LRP1B: variants seen among roughly 807,000 people sequenced by gnomAD.
LRP1B encodes low-density lipoprotein receptor-related protein 1B.
A neutral mutation model predicts 556.6 loss-of-function variants in LRP1B; 217 were observed. That is an observed-to-expected ratio of 0.39 (90% CI 0.35 to 0.44). LRP1B has a LOEUF of 0.44. Ranked by LOEUF, LRP1B falls within the 20% of genes least tolerant of loss-of-function variation. The pLI is 1.00. For missense variants in LRP1B, 5,053 were observed against 5,620.8 expected (o/e 0.90, Z 3.23); for synonymous variants, 2,047 against 1,865.8 (o/e 1.10, Z -2.50).
rs527490390 is a variant in LRP1B at position 141,588,512 on chromosome 2, G to A, written c.206-107979C>T. ...ATGTGTACCATAATGTTAACAACTAGCAAACATTTACAGGGATTGTTTTAG... is the reference window on the plus strand; with the variant it reads ...ATGTGTACCATAATGTTAACAACTAACAAACATTTACAGGGATTGTTTTAG... On this transcript the variant is annotated intron_variant, in intron 2 of 90. Coordinates refer to ENST00000389484, the MANE Select transcript of LRP1B (RefSeq NM_018557.3). Among the ~76,000 whole-genome samples the A allele has an allele frequency of 4.6e-5, 7 of 152,218 alleles. No individual in the cohort carries two copies. In the South Asian group the frequency reaches 1.5e-3, roughly 32 times the overall value.
chr2:140,710,146 A>G (rs1261269512), intron 37 of LRP1B, among the ~76,000 whole-genome samples: 1 of 152,114 alleles, frequency 6.6e-6, no homozygotes, highest in Non-Finnish European at 1.5e-5. Context: ...TGAGAGCTCA[A>G]AATTAAGAAA....
At chr2:141,237,632 C>G (rs916018881) in intron 5 of LRP1B, among the ~76,000 whole-genome samples, 1 of 152,112 alleles carries the variant, frequency 6.6e-6, no homozygotes, top group African/African-American at 2.4e-5. Context: ...TAGTGAAATA[C>G]CGGTACCTTC....
Position 140,534,018 on chromosome 2 carries a change from T to C in LRP1B, c.7762+3A>G, listed in dbSNP as rs2104994247. Reference sequence around the variant, plus strand: ...TTCTGAGATTGATGGAACAAGTATTTACCTTTACAATCTAATTCATCAGAG... The same window carrying C: ...TTCTGAGATTGATGGAACAAGTATTCACCTTTACAATCTAATTCATCAGAG... On this transcript the variant is annotated splice_donor_region_variant and intron_variant, in intron 47 of 90. Coordinates refer to ENST00000389484, the MANE Select transcript of LRP1B (RefSeq NM_018557.3). 1 of 1,613,190 alleles carries C rather than the reference T, an allele frequency of 6.2e-7. No individual in the cohort carries two copies. Among genetic ancestry groups the C allele is most frequent in the Middle Eastern group, 1.7e-4 (1 of 6,046 alleles).
chr2:141,433,816 G>A (rs186229959), intron 3 of LRP1B, among the ~76,000 whole-genome samples: 19 of 151,500 alleles, frequency 1.3e-4, no homozygotes, highest in Non-Finnish European at 2.7e-4. Flanking sequence ...TAAAATTAGG[G>A]AAGCTTTCAG....
chr2:141,771,553 C>G (rs569242526), intron 2 of LRP1B, among the ~76,000 whole-genome samples: 2 of 152,186 alleles, frequency 1.3e-5, no homozygotes, highest in Admixed American at 1.3e-4. Flanking sequence ...GAAATATAAA[C>G]ATTGTTTACT....
chr2:141,289,953 A>G (rs973794081), intron 3 of LRP1B, among the ~76,000 whole-genome samples: 3 of 152,330 alleles, frequency 2.0e-5, no homozygotes, highest in Admixed American at 1.3e-4. Context: ...CTGTGAATCT[A>G]TAAAGTGACT....
At chr2:141,268,550 T>C (rs1684973699) in intron 3 of LRP1B, among the ~76,000 whole-genome samples, 1 of 152,066 alleles carries the variant, frequency 6.6e-6, no homozygotes, top group Non-Finnish European at 1.5e-5. Flanking sequence ...TGGAGGCTCT[T>C]GGAGAAAGGC....
chr2:141,186,103 G>T lies in LRP1B; in HGVS notation c.1013+2318C>A, dbSNP rs572227213. Among the ~76,000 whole-genome samples the T allele has an allele frequency of 1.4e-4, 15 of 103,580 alleles. No homozygotes were observed. In the South Asian group the frequency reaches 4.4e-3, roughly 31 times the overall value. The allele number at this position is 103,580 out of a possible 152,430, so 68.0% of individuals were successfully genotyped here. A position where few individuals can be genotyped will look rare whatever the true frequency, so the allele number is the denominator to read the frequency against. Reference sequence around the variant, plus strand: ...CAAAAAAAAAAAAAAAAAAAAACCAGTATGCTTAAGTAACAGGTACTTTCT... The same window carrying T: ...CAAAAAAAAAAAAAAAAAAAAACCATTATGCTTAAGTAACAGGTACTTTCT... On this transcript the variant is annotated intron_variant, in intron 7 of 90. Coordinates refer to ENST00000389484, the MANE Select transcript of LRP1B (RefSeq NM_018557.3).
At chr2:140,315,213 T>A in intron 82 of LRP1B, 114 bp from the exon 83 acceptor site, 1 of 660,110 alleles carries the variant, frequency 1.5e-6, no homozygotes, top group Non-Finnish European at 2.4e-6. Flanking sequence ...ATAAAATAAT[T>A]AACCCCAAGT....
At chr2:140,437,845 T>C (rs1573938862) in intron 66 of LRP1B, among the ~76,000 whole-genome samples, 3 of 152,274 alleles carry the variant, frequency 2.0e-5, no homozygotes, top group Admixed American at 2.0e-4. Context: ...TGGACGTTAG[T>C]TGTTATTGTA....
At chr2:141,750,057 G>A (rs1026422467) in intron 2 of LRP1B, among the ~76,000 whole-genome samples, 6 of 152,226 alleles carry the variant, frequency 3.9e-5, no homozygotes, top group Admixed American at 2.6e-4. Flanking sequence ...CTCAGTGAGG[G>A]GATGATAATG....
At chr2:141,043,706 G>T (rs1698775993) in intron 11 of LRP1B, among the ~76,000 whole-genome samples, 1 of 151,894 alleles carries the variant, frequency 6.6e-6, no homozygotes, top group African/African-American at 2.4e-5. Context: ...TTAAAAACAA[G>T]TACTGCACTA....
rs117019289 is a variant in LRP1B at position 140,850,526 on chromosome 2, C to A, written c.4712-197G>T. ...AAACAAATATGAAATGAGTTAGAAG[C>A]CTTACATCATCATTTTTCTTTAGCT... On this transcript the variant is annotated intron_variant, in intron 28 of 90. Coordinates refer to ENST00000389484, the MANE Select transcript of LRP1B (RefSeq NM_018557.3). Among the ~76,000 whole-genome samples the A allele has an allele frequency of 3.6e-4, 55 of 152,136 alleles. No individual in the cohort carries two copies. The East Asian group carries it at 0.01, about 28-fold the overall frequency.
intron 1 of LRP1B, among the ~76,000 whole-genome samples, chr2:142,053,339 G>A (rs1367554893): frequency 1.3e-5 from 2 of 152,032 alleles, no homozygotes; most frequent in Non-Finnish European, 2.9e-5. Context: ...GCTATTTCTT[G>A]TAGACAGTCA....
chr2:141,090,488 C>A (rs1404357800), intron 7 of LRP1B, among the ~76,000 whole-genome samples: 1 of 152,200 alleles, frequency 6.6e-6, no homozygotes, highest in Non-Finnish European at 1.5e-5. Context: ...AGAACCGTGA[C>A]AAGATGCTAG....
chr2:141,450,713 C>A (rs1007918946), intron 3 of LRP1B, among the ~76,000 whole-genome samples: 1 of 151,848 alleles, frequency 6.6e-6, no homozygotes, highest in African/African-American at 2.4e-5. Context: ...ATAAATAAAT[C>A]TTCATTTATT....
intron 1 of LRP1B, among the ~76,000 whole-genome samples, chr2:142,116,304 T>C (rs1269739215): frequency 1.3e-5 from 2 of 151,662 alleles, no homozygotes; most frequent in Non-Finnish European, 2.9e-5. Flanking sequence ...AAGGGTATAC[T>C]GAGTAGGGCA....
chr2:140,746,424 G>T (rs77342277), intron 35 of LRP1B, among the ~76,000 whole-genome samples: 2 of 151,936 alleles, frequency 1.3e-5, no homozygotes, highest in South Asian at 2.1e-4. Context: ...ATGTAATTTT[G>T]CTAAGAAGCT....
chr2:140,321,044 A>T (rs1294080367), intron 82 of LRP1B, among the ~76,000 whole-genome samples: 3 of 152,062 alleles, frequency 2.0e-5, no homozygotes, highest in Admixed American at 6.6e-5. Flanking sequence ...TGACAGCAAC[A>T]CTCTGTCTCA....
Sources: gnomAD v4.1 joint callset for allele counts (sites outside exome capture counted in the v4.1 genomes callset) on GRCh38, gnomAD v4.1.1 for gene constraint, MANE v1.5 for transcripts, NCBI Gene and HGNC (gene_info 2026-07-23, HGNC 2026-07-21) for gene names.